SCFD1: variants seen among roughly 807,000 people sequenced by gnomAD.
SCFD1 encodes sec1 family domain-containing protein 1.
SCFD1 carries 37 observed loss-of-function variants against 103.2 expected under a neutral mutation model. The ratio of observed to expected loss-of-function variants is 0.36; its 90% confidence interval spans 0.28 to 0.47. The LOEUF (loss-of-function observed/expected upper bound fraction) is 0.47. SCFD1 is among the 20% of genes least tolerant of loss of function. The pLI is 1.00. For missense variants in SCFD1, 639 were observed against 761.2 expected, an observed-to-expected ratio of 0.84 and a Z score of 1.89; for synonymous variants, 264 against 245.0, an observed-to-expected ratio of 1.08 and a Z score of -0.73.
At position 30,722,570 on chromosome 14, in the gene SCFD1, T is replaced by C. The variant is rs1031673051; in HGVS notation, c.1836+11T>C. On this transcript the variant is annotated intron_variant, in intron 23 of 24. Coordinates refer to ENST00000458591, the MANE Select transcript of SCFD1 (RefSeq NM_016106.4). ...GTTGACTACATAAAGGTACATTTTA[T>C]TTAGCCTTTTTATTCTGTTGTTAGA... 6.4e-7 allele frequency: 1 copy of C among 1,550,558 alleles called. No individual in the cohort carries two copies. Among genetic ancestry groups the C allele is most frequent in the Non-Finnish European group, 8.8e-7 (1 of 1,132,326 alleles).
Position 30,664,317 on chromosome 14 carries a change from G to C in SCFD1, c.856-5939G>C, listed in dbSNP as rs138779472. 2.0e-5 allele frequency among the ~76,000 whole-genome samples: 3 copies of C among 152,224 alleles called. No homozygotes were observed. In the East Asian group the frequency reaches 5.8e-4, roughly 30 times the overall value. ...AGACCTGCAGCTGAAGGACCTGTTA[G>C]AAGGAAAACTAACAAGCAGAAAGGA... On this transcript the variant is annotated intron_variant, in intron 10 of 24. Transcript: ENST00000458591.
In SCFD1 at chr14:30,633,937, T is replaced by C; in HGVS notation, c.222-10T>C. ...TAAAAAAATAAGTTTTAGTTCCTTA[T>C]GTCTTCTAGGCTTTTACACTCTGAT... On this transcript the variant is annotated splice_polypyrimidine_tract_variant and intron_variant, in intron 3 of 24. Transcript: ENST00000458591. 1 of 1,524,502 alleles carries C rather than the reference T, an allele frequency of 6.6e-7. No homozygotes were observed. Among genetic ancestry groups the C allele is most frequent in the Admixed American group, 2.0e-5 (1 of 51,174 alleles). 94.4% of individuals were successfully genotyped at this position (1,524,502 alleles called of 1,614,324 possible).
intron 17 of SCFD1, among the ~76,000 whole-genome samples, chr14:30,705,561 G>A (rs1417591514): frequency 1.3e-5 from 2 of 152,102 alleles, no homozygotes; most frequent in African/African-American, 4.8e-5. Flanking sequence ...ACTTGAGCCT[G>A]GGAGGTCAAG....
rs1885888300 is a variant in SCFD1, at chr14:30,646,897, C to T, written c.614-2631C>T. On this transcript the variant is annotated intron_variant, in intron 7 of 24. Coordinates refer to ENST00000458591, the MANE Select transcript of SCFD1 (RefSeq NM_016106.4). ...TCTGTTAGGTTTTCTAGTTTGTGTT[C>T]ATAGGGGTGTTTGTAATAGTCTCTG... 2.6e-5 allele frequency among the ~76,000 whole-genome samples: 4 copies of T among 152,160 alleles called. No homozygotes were observed. The South Asian group carries it at 8.3e-4, about 32-fold the overall frequency.
chr14:30,675,220 A>C (rs557468140), intron 14 of SCFD1, 155 bp downstream of exon 14: 1 of 435,752 alleles, frequency 2.3e-6, no homozygotes, highest in East Asian at 3.6e-5. Context: ...TTTTTTTGCA[A>C]ATAAAGTAAC....
intron 15 of SCFD1, among the ~76,000 whole-genome samples, chr14:30,697,238 G>C (rs1890765527): frequency 6.6e-6 from 1 of 152,084 alleles, no homozygotes; most frequent in African/African-American, 2.4e-5. Flanking sequence ...TACAAAATGA[G>C]TCTGGAACAT....
rs1446495285 is a variant in SCFD1, at chr14:30,653,607, C to T, written c.855+19C>T. 5 of 1,469,082 alleles carry T rather than the reference C, an allele frequency of 3.4e-6. No individual in the cohort carries two copies. The highest frequency in any genetic ancestry group is 4.7e-6 in the Non-Finnish European group (5 of 1,054,808). The allele number at this position is 1,469,082 out of a possible 1,614,324, so 91.0% of individuals were successfully genotyped here. A position where few individuals can be genotyped will look rare whatever the true frequency, so the allele number is the denominator to read the frequency against. ...TGTACTGGTAAGAGACTAAATGCAG[C>T]ACTTATTACTGAAATATAGTAACAT... On this transcript the variant is annotated intron_variant, in intron 10 of 24. Coordinates refer to ENST00000458591, the MANE Select transcript of SCFD1 (RefSeq NM_016106.4).
Position 30,639,863 on chromosome 14 carries a change from T to C in SCFD1, c.522T>C (p.Arg174=). 1 of 1,578,248 alleles carries C rather than the reference T, an allele frequency of 6.3e-7. No individual in the cohort carries two copies. The change falls in exon 6 of 25, where the codon CGT becomes CGC. Residue 174 remains arginine, a splice_region_variant and synonymous_variant. Transcript: ENST00000458591. ...CNQNKELVSY[R]AINRPDITDT... ...AAAATAAGGAGCTTGTTTCATATCGTGGTATGTAAAAATAGAAATGTTGCA... is the reference window on the plus strand; with the variant it reads ...AAAATAAGGAGCTTGTTTCATATCGCGGTATGTAAAAATAGAAATGTTGCA...
intron 14 of SCFD1, chr14:30,676,306 A>T (rs1889030458): frequency 6.6e-6 from 1 of 152,254 alleles, no homozygotes; most frequent in Non-Finnish European, 1.5e-5. Flanking sequence ...AAGATACTGT[A>T]GTAAACAAGA....
intron 7 of SCFD1, among the ~76,000 whole-genome samples, chr14:30,645,768 T>C (rs1885758152): frequency 6.6e-6 from 1 of 152,190 alleles, no homozygotes; most frequent in Admixed American, 6.5e-5. Flanking sequence ...TCATATAACC[T>C]GCAAAGAGAT....
intron 10 of SCFD1, 136 bp from the exon 11 acceptor site, chr14:30,670,120 G>A (rs1428886200): frequency 1.5e-6 from 1 of 671,350 alleles, no homozygotes; most frequent in Non-Finnish European, 2.5e-6. Flanking sequence ...ACATTTGTAT[G>A]TAACAAAAGA....
At chr14:30,683,211 G>T (rs1889633927) in intron 14 of SCFD1, 1 of 1,131,734 alleles carries the variant, frequency 8.8e-7, no homozygotes, top group Non-Finnish European at 1.3e-6. Flanking sequence ...AGAGCAGAAT[G>T]GTCCTGATGT....
At chr14:30,684,532 G>C (rs1889777454) in intron 14 of SCFD1, among the ~76,000 whole-genome samples, 1 of 152,028 alleles carries the variant, frequency 6.6e-6, no homozygotes, top group Admixed American at 6.6e-5. Context: ...AAATCAGTCT[G>C]ATTGTTTACC....
At chr14:30,699,878 C>G (rs1566642003) in intron 15 of SCFD1, among the ~76,000 whole-genome samples, 1 of 152,172 alleles carries the variant, frequency 6.6e-6, no homozygotes, top group Non-Finnish European at 1.5e-5. Context: ...TGTATGGTTA[C>G]CCTGCTTATA....
chr14:30,678,492 T>C (rs927173778), intron 14 of SCFD1, among the ~76,000 whole-genome samples: 1 of 152,218 alleles, frequency 6.6e-6, no homozygotes, highest in South Asian at 2.1e-4. Context: ...TTAAACCCTT[T>C]CTTTAGTTGT....
intron 17 of SCFD1, among the ~76,000 whole-genome samples, chr14:30,705,474 T>G (rs562334170): frequency 6.6e-6 from 1 of 152,236 alleles, no homozygotes; most frequent in African/African-American, 2.4e-5. Flanking sequence ...CATTTGTGCT[T>G]CTTTAAGAAT....
In SCFD1 at chr14:30,628,241, C is replaced by A. The variant is rs762698005; in HGVS notation, c.94C>A (p.Pro32Thr). ...ALKRMLNFNV[P>T]HIKNSTGEPV... ...GAAGCGTATGTTGAATTTCAATGTG[C>A]CTCATATTAAAAACAGCACAGGAGA... is the stretch of plus-strand genomic sequence containing the variant. The change falls in exon 2 of 25, where the codon CCT becomes ACT. Residue 32 changes from proline to threonine, a missense_variant. Coordinates refer to ENST00000458591, the MANE Select transcript of SCFD1 (RefSeq NM_016106.4). 8 of 1,611,424 alleles carry A rather than the reference C, an allele frequency of 5.0e-6. No homozygotes were observed. The highest frequency in any genetic ancestry group is 6.8e-6 in the Non-Finnish European group (8 of 1,178,148).
At chr14:30,684,213 G>A (rs567375623) in intron 14 of SCFD1, among the ~76,000 whole-genome samples, 24 of 152,282 alleles carry the variant, frequency 1.6e-4, no homozygotes, top group Admixed American at 1.2e-3. Flanking sequence ...ACAAGTCTAT[G>A]TTACCCAGGC....
intron 18 of SCFD1, 78 bp from the exon 19 acceptor site, chr14:30,707,912 C>T (rs957563799): frequency 4.2e-6 from 4 of 947,714 alleles, no homozygotes; most frequent in Non-Finnish European, 7.0e-6. Context: ...GGTGTGTAAT[C>T]AGGTAAATAT....
Sources: gnomAD v4.1 joint callset for allele counts (sites outside exome capture counted in the v4.1 genomes callset) on GRCh38, gnomAD v4.1.1 for gene constraint, MANE v1.5 for transcripts, NCBI Gene and HGNC (gene_info 2026-07-23, HGNC 2026-07-21) for gene names.